Variants in MTAP observed in about 807,000 individuals in gnomAD.
The protein encoded by MTAP is methylthioadenosine phosphorylase.
A neutral mutation model predicts 33.6 loss-of-function variants in MTAP; 33 were observed. The ratio of observed to expected loss-of-function variants is 0.98; its 90% confidence interval spans 0.74 to 1.31. The LOEUF is 1.31. Among genes scored for constraint, MTAP ranks in the 40% most tolerant of loss-of-function variants. The pLI is 0.00. For missense variants in MTAP, 367 were observed against 360.0 expected, an observed-to-expected ratio of 1.02 and a Z score of -0.16; for synonymous variants, 148 against 125.7, an observed-to-expected ratio of 1.18 and a Z score of -1.19.
At position 21,921,329 on chromosome 9, in the gene MTAP, A is replaced by G. The variant is rs1818783933; in HGVS notation, c.148-9679A>G. The stretch of plus-strand genomic sequence containing the variant: ...TCTTAGTTTAGGTAAAGGTTTGTTA[A>G]TTTATTTTTTCAAAAAAACCTTTTT... On this transcript the variant is annotated intron_variant, in intron 1 of 1. Coordinates refer to the MTAP transcript ENST00000577563. Among the ~76,000 whole-genome samples, 3 of 151,790 alleles carry G rather than the reference A, an allele frequency of 2.0e-5. 1 individual carries two copies. Among genetic ancestry groups the G allele is most frequent in the Admixed American group, 2.0e-4 (3 of 15,248 alleles).
chr9:21,903,702 C>G (rs1430696364), intron 1 of MTAP, among the ~76,000 whole-genome samples: 1 of 152,168 alleles, frequency 6.6e-6, no homozygotes, highest in African/African-American at 2.4e-5. Context: ...CCTTGTCACT[C>G]TCAAAGGGCA....
At chr9:21,927,282 A>G (rs1041160097) in intron 1 of MTAP, among the ~76,000 whole-genome samples, 9 of 152,214 alleles carry the variant, frequency 5.9e-5, no homozygotes, top group African/African-American at 1.9e-4. Flanking sequence ...GCCTAAAGGT[A>G]GTGGCTGCAG....
At chr9:21,924,334 C>T (rs1587300986) in intron 1 of MTAP, among the ~76,000 whole-genome samples, 1 of 152,146 alleles carries the variant, frequency 6.6e-6, no homozygotes, top group African/African-American at 2.4e-5. Flanking sequence ...AAGTTTGACC[C>T]CAAAACCCTG....
Position 21,818,563 on chromosome 9 carries a change from C to T in MTAP, c.347+361C>T, listed in dbSNP as rs190652783. On this transcript the variant is annotated intron_variant, in intron 4 of 7. Transcript: ENST00000644715. ...GGCTGGTCTTGAATCAGGAGATCACCCGCCTCCGCCTCCCAAAGCGCAAAG... is the reference window on the plus strand; with the variant it reads ...GGCTGGTCTTGAATCAGGAGATCACTCGCCTCCGCCTCCCAAAGCGCAAAG... Among the ~76,000 whole-genome samples, 24 of 152,012 alleles carry T rather than the reference C, an allele frequency of 1.6e-4. No homozygotes were observed. The East Asian group carries it at 4.5e-3, about 28-fold the overall frequency.
chr9:21,806,859 C>G (rs1008465138), intron 1 of MTAP, among the ~76,000 whole-genome samples: 4 of 152,090 alleles, frequency 2.6e-5, no homozygotes, highest in Non-Finnish European at 5.9e-5. Context: ...AGCTTTCATT[C>G]TGGGAGATTA....
intron 5 of MTAP, among the ~76,000 whole-genome samples, chr9:21,852,560 T>C (rs1587247658): frequency 6.8e-6 from 1 of 147,100 alleles, no homozygotes; most frequent in Admixed American, 6.7e-5. Flanking sequence ...CTGGGGGAAG[T>C]GGGAGAGGAG....
At chr9:21,814,133 G>C (rs1004145426) in intron 1 of MTAP, among the ~76,000 whole-genome samples, 5 of 152,180 alleles carry the variant, frequency 3.3e-5, no homozygotes, top group Non-Finnish European at 7.3e-5. Context: ...ATGGGAAACA[G>C]GCAGAGTTCT....
chr9:21,898,722 G>A (rs1194631591), intron 1 of MTAP, among the ~76,000 whole-genome samples: 2 of 152,112 alleles, frequency 1.3e-5, no homozygotes, highest in African/African-American at 2.4e-5. Context: ...TCATTAAAAA[G>A]TCAGGAAACA....
At chr9:21,835,098 C>T (rs910982413) in intron 4 of MTAP, among the ~76,000 whole-genome samples, 3 of 152,146 alleles carry the variant, frequency 2.0e-5, no homozygotes, top group Admixed American at 2.0e-4. Flanking sequence ...CCTACTTTCT[C>T]ACAGATAGCA....
chr9:21,906,278 A>G (rs1057379757), intron 1 of MTAP, among the ~76,000 whole-genome samples: 3 of 152,260 alleles, frequency 2.0e-5, no homozygotes, highest in African/African-American at 7.2e-5. Flanking sequence ...GGATAAAAGA[A>G]AATATGTATA....
chr9:21,909,433 C>A (rs1282916163), intron 1 of MTAP, among the ~76,000 whole-genome samples: 1 of 152,078 alleles, frequency 6.6e-6, no homozygotes, highest in Non-Finnish European at 1.5e-5. Context: ...TGGTGGGGTA[C>A]TCTATAATGG....
intron 1 of MTAP, among the ~76,000 whole-genome samples, chr9:21,811,406 C>A (rs545303081): frequency 1.3e-5 from 2 of 152,268 alleles, no homozygotes; most frequent in African/African-American, 4.8e-5. Context: ...TTCACAGTCT[C>A]AGAGAAGTCA....
chr9:21,929,933 A>G, intron 1 of MTAP: 1 of 424,886 alleles, frequency 2.4e-6, no homozygotes, highest in Non-Finnish European at 4.7e-6. Context: ...GACTGATGGA[A>G]CATACACCGA....
intron 1 of MTAP, among the ~76,000 whole-genome samples, chr9:21,806,622 G>A (rs1340975641): frequency 6.6e-6 from 1 of 152,070 alleles, no homozygotes; most frequent in South Asian, 2.1e-4. Context: ...CAGGCAGGGA[G>A]TGAGGATATT....
chr9:21,842,885 T>C (rs556159598), intron 5 of MTAP, among the ~76,000 whole-genome samples: 5 of 152,258 alleles, frequency 3.3e-5, no homozygotes, highest in Admixed American at 3.3e-4. Context: ...AAAGCTAGCA[T>C]GATGAATAGA....
downstream of MTAP, chr9:21,932,220 G>C (rs541477852): frequency 3.3e-5 from 5 of 152,302 alleles, no homozygotes; most frequent in African/African-American, 9.6e-5. Flanking sequence ...TAGCCTTCAA[G>C]CTGCCCATAA....
At chr9:21,930,625 C>A (rs147014445) in intron 1 of MTAP, 33 of 397,246 alleles carry the variant, frequency 8.3e-5, no homozygotes, top group Admixed American at 3.2e-4. Context: ...AAATAGCCAG[C>A]AAGTTTAATA....
chr9:21,899,348 G>A (rs558056974), intron 1 of MTAP, among the ~76,000 whole-genome samples: 10 of 150,758 alleles, frequency 6.6e-5, no homozygotes, highest in Non-Finnish European at 1.3e-4. Flanking sequence ...AAACTTGCAC[G>A]TTGTGCATAT....
intron 1 of MTAP, among the ~76,000 whole-genome samples, chr9:21,901,463 T>A (rs531630413): frequency 1.3e-5 from 2 of 152,318 alleles, no homozygotes; most frequent in East Asian, 3.9e-4. Flanking sequence ...ATTGACTATC[T>A]CATAAAGAAT....
Sources: allele counts gnomAD v4.1 joint callset (sites outside exome capture counted in the v4.1 genomes callset), GRCh38; gene constraint gnomAD v4.1.1; transcripts MANE v1.5; gene names NCBI Gene and HGNC (gene_info 2026-07-23, HGNC 2026-07-21).